CORIN: variants seen among roughly 807,000 people sequenced by gnomAD.
CORIN encodes the protein corin, serine peptidase.
Under a neutral mutation model 125.3 loss-of-function variants are expected in CORIN, and 117 were observed. The observed-to-expected ratio is 0.93, with a 90% CI of 0.80 to 1.09. The LOEUF (loss-of-function observed/expected upper bound fraction) is 1.09, where lower values mean the gene tolerates loss of function less well. CORIN is among the 50% of genes least tolerant of loss of function. CORIN has a pLI of 0.00. For synonymous variants in CORIN, 450 were observed against 466.4 expected (o/e 0.96, Z 0.45); for missense variants, 1,253 against 1,306.7 (o/e 0.96, Z 0.63).
At chr4:47,810,349 G>A (rs898094677) in intron 1 of CORIN, among the ~76,000 whole-genome samples, 9 of 152,042 alleles carry the variant, frequency 5.9e-5, no homozygotes, top group African/African-American at 2.2e-4. Context: ...CAAACATCAC[G>A]CCCAGCTAAT....
chr4:47,772,350 G>A (rs182420320), intron 3 of CORIN, among the ~76,000 whole-genome samples: 37 of 152,302 alleles, frequency 2.4e-4, no homozygotes, highest in African/African-American at 7.9e-4. Context: ...CGCCATTGGC[G>A]TGAAGGTAGC....
intron 1 of CORIN, among the ~76,000 whole-genome samples, chr4:47,816,477 A>G (rs1401108286): frequency 6.6e-6 from 1 of 152,204 alleles, no homozygotes; most frequent in Non-Finnish European, 1.5e-5. Context: ...ATAAAGATGA[A>G]GAAAACATAG....
chr4:47,688,836 A>G (rs934735444), intron 6 of CORIN, among the ~76,000 whole-genome samples: 2 of 152,232 alleles, frequency 1.3e-5, no homozygotes, highest in Non-Finnish European at 2.9e-5. Flanking sequence ...AACATTTAGT[A>G]CTTCTTCCAT....
At chr4:47,612,428 T>A (rs1299698244) in intron 19 of CORIN, among the ~76,000 whole-genome samples, 2 of 152,200 alleles carry the variant, frequency 1.3e-5, no homozygotes, top group African/African-American at 4.8e-5. Flanking sequence ...CCTAAAAATT[T>A]AAAAATGGAT....
chr4:47,622,632 TC>T (rs1722368997), intron 19 of CORIN, among the ~76,000 whole-genome samples: 1 of 152,070 alleles, frequency 6.6e-6, no homozygotes, highest in Non-Finnish European at 1.5e-5. Flanking sequence ...GTGTTTTTTG[TC>T]TGCATAAATG....
intron 3 of CORIN, among the ~76,000 whole-genome samples, chr4:47,776,395 G>A (rs547380415): frequency 7.9e-5 from 12 of 152,056 alleles, no homozygotes; most frequent in Non-Finnish European, 1.0e-4. Flanking sequence ...AAGTTGCTGC[G>A]TGTGGTATGA....
chr4:47,769,650 A>C (rs1001572433), intron 3 of CORIN, among the ~76,000 whole-genome samples: 1 of 152,154 alleles, frequency 6.6e-6, no homozygotes, highest in African/African-American at 2.4e-5. Flanking sequence ...TCAAAAAAGC[A>C]TGATATTGGG....
rs1438073639 is a variant in CORIN at position 47,600,292 on chromosome 4, CTGACA to C, written c.2863_2867del (p.Cys955ValfsTer4). 2 of 1,613,742 alleles carry C rather than the reference CTGACA, an allele frequency of 1.2e-6. No individual in the cohort carries two copies. ...TGATGGTCTTCATGTCAAAGTAGGACTGACAATGTTCCAGAGAAATAATGCGGACC... is the reference window on the plus strand; with the variant it reads ...TGATGGTCTTCATGTCAAAGTAGGACATGTTCCAGAGAAATAATGCGGACC... On this transcript the variant is annotated frameshift_variant, in exon 21 of 22. Coordinates refer to ENST00000273857, the MANE Select transcript of CORIN (RefSeq NM_006587.4). LOFTEE classifies it high-confidence loss of function.
chr4:47,755,309 G>T (rs1729085963), intron 4 of CORIN, among the ~76,000 whole-genome samples: 3 of 152,136 alleles, frequency 2.0e-5, no homozygotes, highest in African/African-American at 7.2e-5. Flanking sequence ...GAAAAAGTAT[G>T]CTCCCCCTTC....
intron 13 of CORIN, among the ~76,000 whole-genome samples, chr4:47,647,087 TC>T (rs1167674363): frequency 1.6e-4 from 24 of 152,244 alleles, no homozygotes; most frequent in Admixed American, 1.4e-3. Context: ...GGACATCCAT[TC>T]CAAGAACTCA....
At chr4:47,768,440 A>G (rs1178131774) in intron 3 of CORIN, among the ~76,000 whole-genome samples, 1 of 152,202 alleles carries the variant, frequency 6.6e-6, no homozygotes, top group African/African-American at 2.4e-5. Context: ...CTTCCAAAAA[A>G]CTGAAGAAAA....
chr4:47,607,620 C>G (rs1266594403), intron 19 of CORIN, among the ~76,000 whole-genome samples: 4 of 152,054 alleles, frequency 2.6e-5, no homozygotes, highest in Non-Finnish European at 4.4e-5. Context: ...TTGAAAGAGT[C>G]TCCTGGGGTG....
At chr4:47,832,470 A>G (rs1733092241) in intron 1 of CORIN, among the ~76,000 whole-genome samples, 1 of 115,566 alleles carries the variant, frequency 8.7e-6, no homozygotes, top group Non-Finnish European at 1.7e-5. Flanking sequence ...TTTGAGATGG[A>G]GTCTCGCTCT....
chr4:47,662,033 T>C (rs3817090), intron 11 of CORIN, among the ~76,000 whole-genome samples, 177 bp from the exon 12 acceptor site: 15,202 of 152,258 alleles, frequency 0.1, 1,247 homozygotes, highest in East Asian at 0.47. Flanking sequence ...GTAATATCTC[T>C]GCAAAGAGTA....
intron 3 of CORIN, among the ~76,000 whole-genome samples, chr4:47,769,905 C>A (rs28762675): frequency 0.057 from 8,624 of 152,044 alleles, 753 homozygotes; most frequent in African/African-American, 0.19. Context: ...AAAACTATAA[C>A]ACTACTAGAA....
At chr4:47,753,051 T>G (rs972079107) in intron 4 of CORIN, among the ~76,000 whole-genome samples, 38 of 152,300 alleles carry the variant, frequency 2.5e-4, no homozygotes, top group Non-Finnish European at 4.4e-4. Flanking sequence ...CTTTCTATTT[T>G]CCCTAAGAGT....
intron 5 of CORIN, among the ~76,000 whole-genome samples, chr4:47,741,548 A>G (rs1028892399): frequency 6.6e-6 from 1 of 152,086 alleles, no homozygotes; most frequent in Non-Finnish European, 1.5e-5. Flanking sequence ...TCCTAGGTAT[A>G]TAGCTGAGAG....
intron 19 of CORIN, among the ~76,000 whole-genome samples, chr4:47,609,178 A>G (rs1238814291): frequency 6.6e-6 from 1 of 152,120 alleles, no homozygotes; most frequent in Admixed American, 6.6e-5. Flanking sequence ...TTGCTGTTCT[A>G]CAAATCTTAG....
intron 19 of CORIN, among the ~76,000 whole-genome samples, chr4:47,607,652 G>A (rs1449939169): frequency 1.1e-4 from 17 of 152,170 alleles, no homozygotes; most frequent in Admixed American, 9.8e-4. Flanking sequence ...CATACGTGGT[G>A]ATTGTTACAT....
Sources: gnomAD v4.1 joint callset for allele counts (sites outside exome capture counted in the v4.1 genomes callset) on GRCh38, gnomAD v4.1.1 for gene constraint, MANE v1.5 for transcripts, NCBI Gene and HGNC (gene_info 2026-07-23, HGNC 2026-07-21) for gene names.